SPTBN5: variants seen among roughly 807,000 people sequenced by gnomAD.
The protein encoded by SPTBN5 is spectrin beta, non-erythrocytic 5.
SPTBN5 carries 513 observed loss-of-function variants against 477.6 expected under a neutral mutation model. The observed-to-expected ratio is 1.07, with a 90% CI of 1.00 to 1.16. The LOEUF (loss-of-function observed/expected upper bound fraction) is 1.16. Ranked by LOEUF, SPTBN5 falls within the 50% of genes most tolerant of loss-of-function variation. SPTBN5 has a pLI of 0.00. For synonymous variants in SPTBN5, 2,169 were observed against 2,011.7 expected (o/e 1.08, Z -2.09); for missense variants, 5,062 against 4,731.8 (o/e 1.07, Z -2.05).
rs2066402392 is a variant in SPTBN5, at chr15:41,868,236, A to G, written c.6058-18T>C. 2 of 1,579,572 alleles carry G rather than the reference A, an allele frequency of 1.3e-6. No individual in the cohort carries two copies. Among genetic ancestry groups the G allele is most frequent in the East Asian group, 2.3e-5 (1 of 43,326 alleles). On this transcript the variant is annotated intron_variant, in intron 33 of 67. Transcript: ENST00000320955. ...TCCTGGACCTGGGGATGGACACATGAGGAGCCTCAGCTGGGGAGGGTGGTG... is the reference window on the plus strand; with the variant it reads ...TCCTGGACCTGGGGATGGACACATGGGGAGCCTCAGCTGGGGAGGGTGGTG...
chr15:41,882,481 C>A lies in SPTBN5; in HGVS notation c.2047-12G>T. The A allele has an allele frequency of 1.9e-6, 3 of 1,557,350 alleles. No homozygotes were observed. The highest frequency in any genetic ancestry group is 2.6e-6 in the Non-Finnish European group (3 of 1,156,616). On this transcript the variant is annotated splice_polypyrimidine_tract_variant and intron_variant, in intron 10 of 67. Transcript: ENST00000320955. ...TCAGCTTCCAGGGCCTAGCGGGGGGCAGAGCAGGGGGCTCAGTGAAGGCAG... is the reference window on the plus strand; with the variant it reads ...TCAGCTTCCAGGGCCTAGCGGGGGGAAGAGCAGGGGGCTCAGTGAAGGCAG...
intron 43 of SPTBN5, 100 bp downstream of exon 43, chr15:41,862,439 G>A: frequency 6.6e-7 from 1 of 1,524,024 alleles, no homozygotes; most frequent in Non-Finnish European, 8.8e-7. Flanking sequence ...TATTTGAAGG[G>A]TGGAGAAGGA....
At chr15:41,887,906 C>A (rs1310862376) in intron 5 of SPTBN5, 22 bp downstream of exon 5, 3 of 1,600,144 alleles carry the variant, frequency 1.9e-6, no homozygotes, top group Non-Finnish European at 2.6e-6. Flanking sequence ...GCAGAGGCCT[C>A]CTGACAAGGG....
Position 41,865,842 on chromosome 15 carries a change from C to A in SPTBN5, c.6884G>T (p.Arg2295Leu), listed in dbSNP as rs867683094. The A allele has an allele frequency of 2.5e-6, 4 of 1,578,500 alleles. No homozygotes were observed. The highest frequency in any genetic ancestry group is 3.4e-6 in the Non-Finnish European group (4 of 1,162,774). Residue 2295 changes from arginine (R) to leucine (L), a missense_variant, in exon 39 of 68, where the codon CGG becomes CTG. Coordinates refer to ENST00000320955, the MANE Select transcript of SPTBN5 (RefSeq NM_016642.4). ...QDLEHCLQLR[R>L]RLREFRGNSA... ...GTTTCCTCGGAACTCGCGGAGCCGCCGTCGGAGCTGCAGGCAGTGCTCCAG... is the reference window on the plus strand; with the variant it reads ...GTTTCCTCGGAACTCGCGGAGCCGCAGTCGGAGCTGCAGGCAGTGCTCCAG...
Position 41,855,756 on chromosome 15 carries a change from C to G in SPTBN5, c.9022-11G>C. On this transcript the variant is annotated splice_polypyrimidine_tract_variant and intron_variant, in intron 53 of 67. Transcript: ENST00000320955. ...TCCCGCCTCCAGGAGCTGGGGGTGA[C>G]AGAGTGGAGATCCGTTTTCCCGGGG... 1 of 1,564,428 alleles carries G rather than the reference C, an allele frequency of 6.4e-7. No individual in the cohort carries two copies. Among genetic ancestry groups the G allele is most frequent in the Non-Finnish European group, 8.6e-7 (1 of 1,156,256 alleles).
At position 41,883,177 on chromosome 15, in the gene SPTBN5, G is replaced by T; in HGVS notation, c.1711C>A (p.Leu571Met). ...TCCAGCAGGTCATGCCTCTGCAGCA[G>T]CTCCACCACTTCTGCCAGCTGCTGC... ...CGQQLAEVVE[L>M]LQRHDLLEAQ... The change falls in exon 9 of 68, where the codon CTG becomes ATG. Residue 571 changes from leucine (L) to methionine (M), a missense_variant. By Grantham distance (15) the Leu-to-Met change is conservative. Coordinates refer to ENST00000320955, the MANE Select transcript of SPTBN5 (RefSeq NM_016642.4). 6.2e-7 allele frequency: 1 copy of T among 1,612,764 alleles called. No individual in the cohort carries two copies. Among genetic ancestry groups the T allele is most frequent in the Non-Finnish European group, 8.5e-7 (1 of 1,179,778 alleles).
At position 41,876,661 on chromosome 15, in the gene SPTBN5, G is replaced by A. The variant is rs749494190; in HGVS notation, c.3852-14C>T. On this transcript the variant is annotated splice_polypyrimidine_tract_variant and intron_variant, in intron 19 of 67. Coordinates refer to ENST00000320955, the MANE Select transcript of SPTBN5 (RefSeq NM_016642.4). ...TGCTCTCTGACCCTGGAGGGCGGGG[G>A]GGGGTTGGAGGAGGGCATGGGAGAG... 16 of 1,439,966 alleles carry A rather than the reference G, an allele frequency of 1.1e-5. No individual in the cohort carries two copies. The African/African-American group carries it at 1.6e-4, about 15-fold the overall frequency. The allele number at this position is 1,439,966 out of a possible 1,614,324, so 89.2% of individuals were successfully genotyped here. A position where few individuals can be genotyped will look rare whatever the true frequency, so the allele number is the denominator to read the frequency against.
At chr15:41,880,120 G>T (rs774354363) in intron 14 of SPTBN5, 40 bp downstream of exon 14, 4 of 1,542,944 alleles carry the variant, frequency 2.6e-6, no homozygotes, top group Non-Finnish European at 3.5e-6. Context: ...GGGAGGCAGG[G>T]GCAAGGCGAG....
Position 41,863,780 on chromosome 15 carries a change from T to C in SPTBN5, c.7073A>G (p.Gln2358Arg), listed in dbSNP as rs2066202094. The change falls in exon 41 of 68, where the codon CAG (glutamine) becomes CGG (arginine). Residue 2358 changes from glutamine (Q) to arginine (R), a missense_variant. Transcript: ENST00000320955. Reference protein sequence around the residue: ...SFHGNLLRYQQQLEGALEIHV... With the variant: ...SFHGNLLRYQRQLEGALEIHV... Reference sequence around the variant, plus strand: ...TATCTCCAAGGCCCCTTCGAGCTGCTGCTGGTACCGGAGCAAGTTGCCATG... The same window carrying C: ...TATCTCCAAGGCCCCTTCGAGCTGCCGCTGGTACCGGAGCAAGTTGCCATG... 3.1e-6 allele frequency: 5 copies of C among 1,613,850 alleles called. No homozygotes were observed. In the East Asian group the frequency reaches 8.9e-5, roughly 29 times the overall value.
chr15:41,848,461 C>T lies in SPTBN5; in HGVS notation c.*155G>A. On this transcript the variant is annotated 3_prime_UTR_variant, in exon 68 of 68. Transcript: ENST00000320955. Reference sequence around the variant, plus strand: ...TGCCACATGGTAGGACCCATCTAACCAGAAGGAACTGTCTATTCCAGAAGC... The same window carrying T: ...TGCCACATGGTAGGACCCATCTAACTAGAAGGAACTGTCTATTCCAGAAGC... The T allele has an allele frequency of 1.2e-6, 1 of 855,878 alleles. No individual in the cohort carries two copies. The highest frequency in any genetic ancestry group is 2.0e-6 in the Non-Finnish European group (1 of 505,598). The allele number at this position is 855,878 out of a possible 1,614,324, so 53.0% of individuals were successfully genotyped here.
intron 62 of SPTBN5, 48 bp from the exon 63 acceptor site, chr15:41,851,898 G>A (rs938243788): frequency 2.0e-6 from 3 of 1,508,542 alleles, no homozygotes; most frequent in Non-Finnish European, 2.7e-6. Context: ...AGCACCCTCA[G>A]GAAGGTGGGC....
Position 41,893,926 on chromosome 15 carries a change from C to T in SPTBN5, c.-77G>A, listed in dbSNP as rs1470635774. The T allele has an allele frequency of 2.2e-5, 5 of 222,452 alleles. No homozygotes were observed. The highest frequency in any genetic ancestry group is 1.0e-4 in the Admixed American group (2 of 19,408). 13.8% of individuals were successfully genotyped at this position (222,452 alleles called of 1,614,324 possible). ...TGGTGATGCCTGGGTTCCACAGAGG[C>T]GGCCCAGCTGGACGGATGGAGATGG... is the stretch of plus-strand genomic sequence containing the variant. On this transcript the variant is annotated 5_prime_UTR_variant, in exon 1 of 68. Transcript: ENST00000320955.
At chr15:41,873,436 C>G in intron 26 of SPTBN5, 56 bp downstream of exon 26, 1 of 1,329,736 alleles carries the variant, frequency 7.5e-7, no homozygotes, top group Non-Finnish European at 1.1e-6. Flanking sequence ...ACAGCCCTCT[C>G]CCCGTGGTCC....
Position 41,852,958 on chromosome 15 carries a change from G to C in SPTBN5, c.10213C>G (p.Leu3405Val). Residue 3405 changes from leucine to valine, a missense_variant, in exon 60 of 68, where the codon CTG becomes GTG. Physicochemically the swap from Leu to Val is conservative, Grantham distance 32. Coordinates refer to ENST00000320955, the MANE Select transcript of SPTBN5 (RefSeq NM_016642.4). ...LQELEGRLQELEEAWALRWQR... is the reference protein window; with the variant it reads ...LQELEGRLQEVEEAWALRWQR... Reference sequence around the variant, plus strand: ...CAGCGCAGGGCCCAAGCCTCCTCCAGCTCCTGCAGCCGCCCTTCCAGCTCC... The same window carrying C: ...CAGCGCAGGGCCCAAGCCTCCTCCACCTCCTGCAGCCGCCCTTCCAGCTCC... 1 of 1,570,562 alleles carries C rather than the reference G, an allele frequency of 6.4e-7. No individual in the cohort carries two copies. The highest frequency in any genetic ancestry group is 8.6e-7 in the Non-Finnish European group (1 of 1,158,528).
intron 9 of SPTBN5, 84 bp from the exon 10 acceptor site, chr15:41,882,822 C>A: frequency 6.7e-7 from 1 of 1,492,062 alleles, no homozygotes. Context: ...AGACACTCCC[C>A]TTAGACAGGA....
chr15:41,869,913 C>T lies in SPTBN5; in HGVS notation c.5781G>A (p.Val1927=), dbSNP rs779712658. The T allele has an allele frequency of 6.4e-7, 1 of 1,552,982 alleles. No homozygotes were observed. The highest frequency in any genetic ancestry group is 2.4e-5 in the East Asian group (1 of 41,928). ...RQQAVTQAWA[V]LQRRMEQRRA... is the part of the protein sequence containing the mutation. ...TGCGCTGCTCCATGCGTCGCTGCAG[C>T]ACTGCCCACGCCTGCGTCACAGCTT... Residue 1927 remains valine (V), a synonymous_variant, in exon 32 of 68, where the codon GTG becomes GTA. Coordinates refer to ENST00000320955, the MANE Select transcript of SPTBN5 (RefSeq NM_016642.4).
At chr15:41,874,128 A>T (rs994433996) in intron 24 of SPTBN5, 83 bp from the exon 25 acceptor site, 1 of 1,517,764 alleles carries the variant, frequency 6.6e-7, no homozygotes, top group South Asian at 1.2e-5. Context: ...CCAGGCCCCA[A>T]TCATGGCAAG....
In SPTBN5 at chr15:41,872,358, C is replaced by T; in HGVS notation, c.5109G>A (p.Val1703=). ...TGPEVPEQQR[V]VQERLREQLR... is the part of the protein sequence containing the mutation. ...GCTGCTCCCGGAGCCTCTCCTGCAC[C>T]ACACGCTGCTGCTCAGGGACTTCGG... is the stretch of plus-strand genomic sequence containing the variant. Residue 1703 remains valine (V), a synonymous_variant, in exon 27 of 68, where the codon GTG becomes GTA. Transcript: ENST00000320955. 4 of 1,611,428 alleles carry T rather than the reference C, an allele frequency of 2.5e-6. No homozygotes were observed. Among genetic ancestry groups the T allele is most frequent in the Non-Finnish European group, 2.5e-6 (3 of 1,179,572 alleles).
intron 14 of SPTBN5, 29 bp from the exon 15 acceptor site, chr15:41,879,893 G>T (rs1031585270): frequency 6.8e-6 from 11 of 1,612,810 alleles, no homozygotes; most frequent in Admixed American, 6.7e-5. Flanking sequence ...CAGCCCTCTT[G>T]GGGGACTTTT....
Sources: allele counts gnomAD v4.1 joint callset, GRCh38; gene constraint gnomAD v4.1.1; transcripts MANE v1.5; gene names NCBI Gene and HGNC (gene_info 2026-07-23, HGNC 2026-07-21).